SAMHD1: variants seen among roughly 807,000 people sequenced by gnomAD.
The protein encoded by SAMHD1 is SAM and HD domain containing deoxynucleoside triphosphate triphosphohydrolase 1.
Under a neutral mutation model 79.6 loss-of-function variants are expected in SAMHD1, and 54 were observed. The ratio of observed to expected loss-of-function variants is 0.68; its 90% confidence interval spans 0.55 to 0.85. The LOEUF is 0.85. SAMHD1 is among the 40% of genes least tolerant of loss of function. The pLI is 0.00. For synonymous variants in SAMHD1, 260 were observed against 264.1 expected (o/e 0.98, Z 0.15); for missense variants, 663 against 782.7 (o/e 0.85, Z 1.82).
intron 15 of SAMHD1, among the ~76,000 whole-genome samples, chr20:36,895,920 A>C (rs2148354370): frequency 6.6e-6 from 1 of 152,220 alleles, no homozygotes; most frequent in African/African-American, 2.4e-5. Context: ...CCTAAACAAT[A>C]CAGTATTAAC....
At chr20:36,931,508 G>A (rs528295623) in intron 4 of SAMHD1, among the ~76,000 whole-genome samples, 228 of 152,100 alleles carry the variant, frequency 1.5e-3, no homozygotes, top group Non-Finnish European at 2.5e-3. Flanking sequence ...ATGGTGGCAG[G>A]TACCTGTAAT....
intron 2 of SAMHD1, among the ~76,000 whole-genome samples, chr20:36,943,450 T>C (rs1366656671): frequency 2.0e-5 from 3 of 152,184 alleles, no homozygotes; most frequent in African/African-American, 7.2e-5. Flanking sequence ...AATACAGCTC[T>C]AAGGAGTCCT....
Position 36,946,749 on chromosome 20 carries a change from A to G in SAMHD1, c.264T>C (p.Asn88=). ...TTCTTCATTCTTACCTTACTCCAAG[A>G]TTTTCAAAACGAGACTCATCAAGAC... is the stretch of plus-strand genomic sequence containing the variant. The part of the protein sequence containing the change: ...LPCLDESRFE[N]LGVSSLGERK... Residue 88 remains asparagine, a synonymous_variant, in exon 2 of 16, where the codon AAT becomes AAC. Coordinates refer to ENST00000646673, the MANE Select transcript of SAMHD1 (RefSeq NM_015474.4). 1 of 1,612,358 alleles carries G rather than the reference A, an allele frequency of 6.2e-7. No individual in the cohort carries two copies. Among genetic ancestry groups the G allele is most frequent in the Non-Finnish European group, 8.5e-7 (1 of 1,178,736 alleles).
intron 3 of SAMHD1, chr20:36,940,518 G>A (rs1439179164): frequency 1.2e-5 from 2 of 168,902 alleles, no homozygotes; most frequent in African/African-American, 4.8e-5. Context: ...GAGCAACACA[G>A]GAAGACCCCG....
chr20:36,935,735 T>C (rs2063598991), intron 3 of SAMHD1, among the ~76,000 whole-genome samples: 1 of 152,130 alleles, frequency 6.6e-6, no homozygotes, highest in South Asian at 2.1e-4. Flanking sequence ...TATGCCCAGC[T>C]AATTTTTGTA....
intron 13 of SAMHD1, chr20:36,903,859 T>C: frequency 7.8e-6 from 2 of 257,508 alleles, no homozygotes; most frequent in Non-Finnish European, 1.5e-5. Flanking sequence ...CCCCACAACT[T>C]TTTCCTCTGT....
chr20:36,934,346 A>C (rs1342151508), intron 4 of SAMHD1, among the ~76,000 whole-genome samples: 1 of 151,562 alleles, frequency 6.6e-6, no homozygotes, highest in African/African-American at 2.4e-5. Context: ...CAAGATGGTG[A>C]AACCCCGTCT....
At position 36,893,049 on chromosome 20, in the gene SAMHD1, G is replaced by A; in HGVS notation, c.1764C>T (p.Ala588=). Residue 588 remains alanine, a synonymous_variant, in exon 16 of 16, where the codon GCC becomes GCT. Coordinates refer to ENST00000646673, the MANE Select transcript of SAMHD1 (RefSeq NM_015474.4). ...CCTTTTTTTGAGGTGTTATGAGTGGGGCTATAACATCGCCATCCTATTAGG... is the reference window on the plus strand; with the variant it reads ...CCTTTTTTTGAGGTGTTATGAGTGGAGCTATAACATCGCCATCCTATTAGG... ...FTKPQDGDVI[A]PLITPQKKEW... The A allele has an allele frequency of 6.2e-7, 1 of 1,613,486 alleles. No homozygotes were observed. The highest frequency in any genetic ancestry group is 8.5e-7 in the Non-Finnish European group (1 of 1,179,992).
chr20:36,898,031 C>A (rs1275249559), intron 14 of SAMHD1, 72 bp from the exon 15 acceptor site: 16 of 1,568,502 alleles, frequency 1.0e-5, no homozygotes, highest in Non-Finnish European at 1.2e-5. Context: ...TCCCTAGGCT[C>A]CTAACTATTC....
At chr20:36,906,584 C>T (rs1210479186) in intron 11 of SAMHD1, among the ~76,000 whole-genome samples, 1 of 152,138 alleles carries the variant, frequency 6.6e-6, no homozygotes, top group Non-Finnish European at 1.5e-5. Context: ...AGCTAAGTGA[C>T]AGGTACATGG....
chr20:36,908,244 CATTATTATT>C lies in SAMHD1; in HGVS notation c.1271-2750_1271-2742del, dbSNP rs10551700. Among the ~76,000 whole-genome samples, 158 of 151,652 alleles carry C rather than the reference CATTATTATT, an allele frequency of 1.0e-3. 1 individual carries two copies. Among genetic ancestry groups the C allele is most frequent in the Admixed American group, 1.6e-3 (25 of 15,206 alleles). On this transcript the variant is annotated intron_variant, in intron 11 of 15. Transcript: ENST00000646673. ...TTTAATTTTTAAATTTTTTCTCTAT[CATTATTATT>C]ATTATTTGATACAGGGTCTCGCTCT... is the stretch of plus-strand genomic sequence containing the variant.
In SAMHD1 at chr20:36,941,120, AC is replaced by A. The variant is rs765193666; in HGVS notation, c.276-10del. 1.3e-6 allele frequency: 2 copies of A among 1,588,448 alleles called. No homozygotes were observed. The highest frequency in any genetic ancestry group is 1.7e-6 in the Non-Finnish European group (2 of 1,157,062). On this transcript the variant is annotated splice_polypyrimidine_tract_variant and intron_variant, in intron 2 of 15. Coordinates refer to ENST00000646673, the MANE Select transcript of SAMHD1 (RefSeq NM_015474.4). Reference sequence around the variant, plus strand: ...TCCTCTCCCCCAAGGAACTAAAATTACAATAGGATAAGCAAGTCTATCATTA... The same window carrying A: ...TCCTCTCCCCCAAGGAACTAAAATTAAATAGGATAAGCAAGTCTATCATTA...
chr20:36,943,570 A>G (rs1310580920), intron 2 of SAMHD1, among the ~76,000 whole-genome samples: 2 of 152,162 alleles, frequency 1.3e-5, no homozygotes, highest in East Asian at 3.9e-4. Context: ...TGTGCCCCAA[A>G]TTCATGGAAG....
intron 15 of SAMHD1, among the ~76,000 whole-genome samples, chr20:36,894,870 GCTTT>G (rs1464155233): frequency 2.6e-5 from 4 of 151,820 alleles, no homozygotes; most frequent in South Asian, 2.1e-4. Flanking sequence ...TACCCAGCTT[GCTTT>G]CTTTCTTTCT....
intron 15 of SAMHD1, chr20:36,893,324 C>T (rs113010000): frequency 3.5e-5 from 19 of 542,984 alleles, no homozygotes; most frequent in Non-Finnish European, 5.6e-5. Flanking sequence ...CATACCACTG[C>T]CCACCTCTAT....
chr20:36,896,259 C>T (rs1477553460), intron 15 of SAMHD1, among the ~76,000 whole-genome samples: 1 of 151,828 alleles, frequency 6.6e-6, no homozygotes, highest in Non-Finnish European at 1.5e-5. Context: ...AGGCATGAGC[C>T]ACCGCGCCCA....
chr20:36,915,910 A>G (rs1268739354), intron 9 of SAMHD1, among the ~76,000 whole-genome samples: 1 of 152,182 alleles, frequency 6.6e-6, no homozygotes, highest in African/African-American at 2.4e-5. Context: ...CTGTAATCCC[A>G]GCACTTTGGG....
intron 15 of SAMHD1, chr20:36,894,239 G>C (rs1267658554): frequency 4.3e-6 from 1 of 231,184 alleles, no homozygotes; most frequent in Non-Finnish European, 8.1e-6. Context: ...TAAAAAATGT[G>C]TTATTATTTT....
At chr20:36,914,601 C>A (rs1224752206) in intron 9 of SAMHD1, among the ~76,000 whole-genome samples, 3 of 151,822 alleles carry the variant, frequency 2.0e-5, no homozygotes, top group African/African-American at 7.2e-5. Flanking sequence ...CTCAGGTGAT[C>A]TGCCCACCTT....
Sources: gnomAD v4.1 joint callset for allele counts (sites outside exome capture counted in the v4.1 genomes callset) on GRCh38, gnomAD v4.1.1 for gene constraint, MANE v1.5 for transcripts, NCBI Gene and HGNC (gene_info 2026-07-23, HGNC 2026-07-21) for gene names.